Variants in WDR33 observed in about 807,000 individuals in gnomAD.
WDR33 encodes the protein WD repeat domain 33, also known as pre-mRNA 3' end processing protein WDR33.
A neutral mutation model predicts 164.9 loss-of-function variants in WDR33; 47 were observed. That is an observed-to-expected ratio of 0.29 (90% CI 0.23 to 0.36). The LOEUF (loss-of-function observed/expected upper bound fraction) is 0.36. Ranked by LOEUF, WDR33 falls within the 10% of genes least tolerant of loss-of-function variation. WDR33 has a pLI of 1.00. For missense variants in WDR33, 1,137 were observed against 1,754.1 expected (o/e 0.65, Z 6.28); for synonymous variants, 505 against 589.0 (o/e 0.86, Z 2.06).
intron 1 of WDR33, among the ~76,000 whole-genome samples, chr2:127,790,148 T>C (rs1410776649): frequency 6.6e-6 from 1 of 152,126 alleles, no homozygotes; most frequent in Non-Finnish European, 1.5e-5. Context: ...GTAAAAATTA[T>C]CATGAAAGTA....
At position 127,770,383 on chromosome 2, in the gene WDR33, A is replaced by T. The variant is rs1687961748; in HGVS notation, c.204+395T>A. On this transcript the variant is annotated intron_variant, in intron 2 of 21. Coordinates refer to ENST00000322313, the MANE Select transcript of WDR33 (RefSeq NM_018383.5). The surrounding 1 kb of genome is among the most constrained non-coding windows in gnomAD (Gnocchi z 4.9). ...TACATACTTACTACACTACATCTAG[A>T]AAATCATCTTCTTTTAAATAACCAG... Among the ~76,000 whole-genome samples, 1 of 152,180 alleles carries T rather than the reference A, an allele frequency of 6.6e-6. No individual in the cohort carries two copies. Among genetic ancestry groups the T allele is most frequent in the Non-Finnish European group, 1.5e-5 (1 of 68,044 alleles).
Position 127,735,488 on chromosome 2 carries a change from C to A in WDR33, c.725-8711G>T, listed in dbSNP as rs749204383. ...TTATGAACAAATCTTAAAAAAAATT[C>A]TTTTATACAAAACTTATAAAAAGCA... On this transcript the variant is annotated intron_variant, in intron 7 of 21. Transcript: ENST00000322313. This position sits in a 1 kb window ranked among gnomAD's most constrained non-coding sequence, Gnocchi z 4.3. 1.3e-5 allele frequency: 13 copies of A among 984,580 alleles called. No individual in the cohort carries two copies. Among genetic ancestry groups the A allele is most frequent in the African/African-American group, 3.5e-5 (2 of 57,188 alleles). 61.0% of individuals were successfully genotyped at this position (984,580 alleles called of 1,614,324 possible).
chr2:127,723,131 T>C lies in WDR33; in HGVS notation c.1292-87A>G. 7.0e-7 allele frequency: 1 copy of C among 1,422,930 alleles called. No homozygotes were observed. The highest frequency in any genetic ancestry group is 9.6e-7 in the Non-Finnish European group (1 of 1,040,684). The allele number at this position is 1,422,930 out of a possible 1,614,324, so 88.1% of individuals were successfully genotyped here. Reference sequence around the variant, plus strand: ...AATGCTTTATAAAAATGAATGTCACTGATGATTTATAAATAAATCTACTAT... The same window carrying C: ...AATGCTTTATAAAAATGAATGTCACCGATGATTTATAAATAAATCTACTAT... On this transcript the variant is annotated intron_variant, in intron 12 of 21. Transcript: ENST00000322313. The surrounding 1 kb of genome is among the most constrained non-coding windows in gnomAD (Gnocchi z 5.9).
intron 1 of WDR33, among the ~76,000 whole-genome samples, chr2:127,771,867 G>T (rs989095944): frequency 6.6e-6 from 1 of 152,114 alleles, no homozygotes; most frequent in Non-Finnish European, 1.5e-5. Context: ...GTAAAATTCA[G>T]CCTCGTGAAG....
chr2:127,713,968 G>A lies in WDR33; in HGVS notation c.2923C>T (p.His975Tyr). 1 of 1,563,632 alleles carries A rather than the reference G, an allele frequency of 6.4e-7. No individual in the cohort carries two copies. The highest frequency in any genetic ancestry group is 1.9e-5 in the Admixed American group (1 of 52,776). ...HHMGPMSERR[H>Y]EQSGGPEHGP... is the part of the protein sequence containing the mutation. ...TGCTCAGGCCCGCCGCTCTGCTCATGCCGCCTCTCTGACATCGGGCCCATG... is the reference window on the plus strand; with the variant it reads ...TGCTCAGGCCCGCCGCTCTGCTCATACCGCCTCTCTGACATCGGGCCCATG... Residue 975 changes from histidine (H) to tyrosine (Y), a missense_variant, in exon 18 of 22, where the codon CAT becomes TAT. His to Tyr is a moderately conservative substitution (Grantham distance 83). Coordinates refer to ENST00000322313, the MANE Select transcript of WDR33 (RefSeq NM_018383.5). The surrounding 1 kb of genome is among the most constrained non-coding windows in gnomAD (Gnocchi z 6.2).
rs78710630 is a variant in WDR33 at position 127,771,108 on chromosome 2, C to T, written c.-23-104G>A. The T allele has an allele frequency of 4.4e-4, 382 of 877,042 alleles. 9 individuals carry two copies. In the East Asian group the frequency reaches 7.6e-3, roughly 18 times the overall value. The allele number at this position is 877,042 out of a possible 1,614,324, so 54.3% of individuals were successfully genotyped here. A position where few individuals can be genotyped will look rare whatever the true frequency, so the allele number is the denominator to read the frequency against. On this transcript the variant is annotated intron_variant, in intron 1 of 21. Transcript: ENST00000322313. ...TTTACATTTCTTTTCCCTTATCTAACGTGCATCATTTCCACTTACACAATG... is the reference window on the plus strand; with the variant it reads ...TTTACATTTCTTTTCCCTTATCTAATGTGCATCATTTCCACTTACACAATG...
intron 1 of WDR33, among the ~76,000 whole-genome samples, chr2:127,802,040 G>C (rs1281714156): frequency 6.6e-6 from 1 of 151,718 alleles, no homozygotes; most frequent in Non-Finnish European, 1.5e-5. Context: ...AATTAGCCAG[G>C]TGTGGTGGCA....
In WDR33 at chr2:127,786,844, CTTTTTT is replaced by C. The variant is rs71307273; in HGVS notation, c.-23-15846_-23-15841del. Among the ~76,000 whole-genome samples the C allele has an allele frequency of 6.7e-3, 748 of 111,842 alleles. 1 individual carries two copies. Among genetic ancestry groups the C allele is most frequent in the Non-Finnish European group, 0.011 (586 of 54,258 alleles). The allele number at this position is 111,842 out of a possible 152,430, so 73.4% of individuals were successfully genotyped here. A position where few individuals can be genotyped will look rare whatever the true frequency, so the allele number is the denominator to read the frequency against. Reference sequence around the variant, plus strand: ...ACAATTTTATTTCTTCCTTTCTGTTCTTTTTTTTTTTTTTTTTTTAATTTATTTTTT... The same window carrying C: ...ACAATTTTATTTCTTCCTTTCTGTTCTTTTTTTTTTTTTAATTTATTTTTT... On this transcript the variant is annotated intron_variant, in intron 1 of 21. Coordinates refer to ENST00000322313, the MANE Select transcript of WDR33 (RefSeq NM_018383.5).
chr2:127,737,425 C>T, intron 7 of WDR33: 1 of 985,484 alleles, frequency 1.0e-6, no homozygotes, highest in Non-Finnish European at 1.2e-6. Flanking sequence ...GTAAACATTT[C>T]TGCAGATATT....
At chr2:127,783,423 T>A (rs148234582) in intron 1 of WDR33, among the ~76,000 whole-genome samples, 1 of 152,260 alleles carries the variant, frequency 6.6e-6, no homozygotes, top group Non-Finnish European at 1.5e-5. Context: ...TGTCAGGGGT[T>A]ACTGGATGTG....
chr2:127,794,971 A>G (rs1688981524), intron 1 of WDR33, among the ~76,000 whole-genome samples: 1 of 151,918 alleles, frequency 6.6e-6, no homozygotes, highest in Non-Finnish European at 1.5e-5. Context: ...CCTGAGCAAC[A>G]TGATAAGACC....
Position 127,728,873 on chromosome 2 carries a change from C to T in WDR33, c.725-2096G>A, listed in dbSNP as rs192729141. On this transcript the variant is annotated intron_variant, in intron 7 of 21. Transcript: ENST00000322313. Reference sequence around the variant, plus strand: ...ATCTACCCTCATCTTCTCTGGGACACGTTTATTACATAAAGAACGTATGTC... The same window carrying T: ...ATCTACCCTCATCTTCTCTGGGACATGTTTATTACATAAAGAACGTATGTC... 7.2e-5 allele frequency among the ~76,000 whole-genome samples: 11 copies of T among 152,238 alleles called. No homozygotes were observed. In the East Asian group the frequency reaches 1.7e-3, roughly 24 times the overall value.
chr2:127,746,012 G>A (rs548218073), intron 7 of WDR33, among the ~76,000 whole-genome samples: 5 of 144,828 alleles, frequency 3.5e-5, no homozygotes, highest in African/African-American at 1.0e-4. Flanking sequence ...GAGACAGAGC[G>A]AGACTCTGTC....
rs1171304385 is a variant in WDR33 at position 127,721,210 on chromosome 2, C to T, written c.1671+626G>A. 1.3e-5 allele frequency among the ~76,000 whole-genome samples: 2 copies of T among 152,078 alleles called. No individual in the cohort carries two copies. The highest frequency in any genetic ancestry group is 2.9e-5 in the Non-Finnish European group (2 of 68,006). ...GAAACTTCTGCCTCTGGAGTTCAAG[C>T]CATTTTCCTGCCTCAGCCGCCCATG... On this transcript the variant is annotated intron_variant, in intron 15 of 21. Coordinates refer to ENST00000322313, the MANE Select transcript of WDR33 (RefSeq NM_018383.5). This position sits in a 1 kb window ranked among gnomAD's most constrained non-coding sequence, Gnocchi z 4.9.
chr2:127,796,390 G>GT (rs1198324327), intron 1 of WDR33, among the ~76,000 whole-genome samples: 1 of 151,696 alleles, frequency 6.6e-6, no homozygotes, highest in African/African-American at 2.4e-5. Flanking sequence ...TTTCTCATGT[G>GT]TGAGAGATAG....
chr2:127,787,248 T>C (rs1688612314), intron 1 of WDR33, among the ~76,000 whole-genome samples: 1 of 105,714 alleles, frequency 9.5e-6, no homozygotes, highest in Non-Finnish European at 1.9e-5. Context: ...AAGTCTCCCA[T>C]GTCTACTTCT....
chr2:127,730,891 T>G (rs1402866142), intron 7 of WDR33, among the ~76,000 whole-genome samples: 1 of 151,848 alleles, frequency 6.6e-6, no homozygotes, highest in Non-Finnish European at 1.5e-5. Flanking sequence ...GTGTGTGAAC[T>G]CTCGATTTTT....
chr2:127,739,872 A>T (rs956768167), intron 7 of WDR33, among the ~76,000 whole-genome samples: 9 of 152,210 alleles, frequency 5.9e-5, no homozygotes, highest in African/African-American at 2.2e-4. Context: ...CAACTTTTGT[A>T]AGACTGCTAA....
chr2:127,712,312 C>A lies in WDR33; in HGVS notation c.3308+1271G>T, dbSNP rs1265916351. Among the ~76,000 whole-genome samples, 1 of 151,808 alleles carries A rather than the reference C, an allele frequency of 6.6e-6. No homozygotes were observed. Among genetic ancestry groups the A allele is most frequent in the Non-Finnish European group, 1.5e-5 (1 of 67,990 alleles). ...TCAAGAGGCTGAGACAGGAGAATCA[C>A]TTGAACCTGGAAGGTGGAGGCTGCA... On this transcript the variant is annotated intron_variant, in intron 18 of 21. Transcript: ENST00000322313. This position sits in a 1 kb window ranked among gnomAD's most constrained non-coding sequence, Gnocchi z 4.0.
Sources: gnomAD v4.1 joint callset for allele counts (sites outside exome capture counted in the v4.1 genomes callset) on GRCh38, gnomAD v4.1.1 for gene constraint, Gnocchi (gnomAD v3.1) non-coding constraint, MANE v1.5 for transcripts, NCBI Gene and HGNC (gene_info 2026-07-23, HGNC 2026-07-21) for gene names.